The following TANC2 variants were observed in gnomAD, a reference collection of about 807,000 sequenced individuals.
TANC2 encodes tetratricopeptide repeat, ankyrin repeat and coiled-coil containing 2, also known as protein TANC2.
A neutral mutation model predicts 210.5 loss-of-function variants in TANC2; 26 were observed. The observed-to-expected ratio is 0.12, with a 90% confidence interval of 0.09 to 0.17. The LOEUF (loss-of-function observed/expected upper bound fraction) is 0.17. Among genes scored for constraint, TANC2 ranks in the 10% least tolerant of loss-of-function variants. The probability of loss-of-function intolerance (pLI) is 1.00; values close to 1 mark genes in which losing one functional copy is unlikely to be tolerated. For synonymous variants in TANC2, 931 were observed against 967.1 expected (o/e 0.96, Z 0.69); for missense variants, 2,129 against 2,608.9 (o/e 0.82, Z 4.01).
intron 8 of TANC2, among the ~76,000 whole-genome samples, chr17:63,265,376 A>G (rs565043568): frequency 6.6e-6 from 1 of 152,194 alleles, no homozygotes; most frequent in East Asian, 1.9e-4. Flanking sequence ...CAGTCTTCTT[A>G]ATCAACTGAC....
At chr17:63,218,427 C>T (rs1269438329) in intron 7 of TANC2, among the ~76,000 whole-genome samples, 1 of 152,110 alleles carries the variant, frequency 6.6e-6, no homozygotes, top group Non-Finnish European at 1.5e-5. Flanking sequence ...CAGATTTCTA[C>T]ACCTATCACT....
At chr17:63,081,130 G>T (rs539678956) in intron 3 of TANC2, among the ~76,000 whole-genome samples, 1 of 151,916 alleles carries the variant, frequency 6.6e-6, no homozygotes, top group South Asian at 2.1e-4. Flanking sequence ...TATCTTTATT[G>T]CTTGTTCTGT....
At chr17:63,306,057 G>A (rs2146525479) in intron 9 of TANC2, among the ~76,000 whole-genome samples, 1 of 149,820 alleles carries the variant, frequency 6.7e-6, no homozygotes, top group African/African-American at 2.5e-5. Context: ...ATGACGTAAT[G>A]TGGTCATTGT....
chr17:63,031,850 T>A (rs553004721), intron 2 of TANC2, among the ~76,000 whole-genome samples: 64 of 151,680 alleles, frequency 4.2e-4, no homozygotes, highest in African/African-American at 1.4e-3. Context: ...ACTAAGGGAG[T>A]TCCAAGGGAA....
chr17:63,292,323 A>G (rs1028415940), intron 9 of TANC2, among the ~76,000 whole-genome samples: 1 of 152,204 alleles, frequency 6.6e-6, no homozygotes, highest in African/African-American at 2.4e-5. Context: ...AGAAGACAAG[A>G]AAAGAACTGG....
At chr17:63,015,091 G>T (rs2143907645) in intron 2 of TANC2, among the ~76,000 whole-genome samples, 1 of 150,964 alleles carries the variant, frequency 6.6e-6, no homozygotes, top group African/African-American at 2.4e-5. Context: ...TTAATTGATG[G>T]CTCATGGCTT....
intron 9 of TANC2, among the ~76,000 whole-genome samples, chr17:63,292,479 TTAAC>T (rs1218776868): frequency 6.6e-6 from 1 of 152,190 alleles, no homozygotes; most frequent in African/African-American, 2.4e-5. Context: ...TTTAGTGACT[TTAAC>T]TAAAACAATT....
chr17:62,996,019 A>C (rs2033090077), intron 1 of TANC2, among the ~76,000 whole-genome samples: 1 of 152,252 alleles, frequency 6.6e-6, no homozygotes, highest in African/African-American at 2.4e-5. Flanking sequence ...CTTGATAATT[A>C]TTAGTCCTTC....
At chr17:63,415,437 A>G in intron 25 of TANC2, 91 bp from the exon 26 acceptor site, 1 of 1,519,092 alleles carries the variant, frequency 6.6e-7, no homozygotes, top group Non-Finnish European at 8.9e-7. Flanking sequence ...CCTTAGTAAC[A>G]GCTGCTGAGA....
intron 7 of TANC2, among the ~76,000 whole-genome samples, chr17:63,209,641 G>C (rs1364795353): frequency 6.6e-6 from 1 of 151,778 alleles, no homozygotes; most frequent in Non-Finnish European, 1.5e-5. Context: ...CCCTATGTTG[G>C]CCAGGCTGGT....
intron 8 of TANC2, among the ~76,000 whole-genome samples, chr17:63,252,298 C>T (rs941460430): frequency 2.6e-4 from 40 of 151,892 alleles, no homozygotes; most frequent in African/African-American, 9.7e-4. Flanking sequence ...TACAGGCATA[C>T]AATATGTAAT....
intron 4 of TANC2, among the ~76,000 whole-genome samples, chr17:63,134,735 A>G (rs2039031941): frequency 6.6e-6 from 1 of 152,248 alleles, no homozygotes; most frequent in Non-Finnish European, 1.5e-5. Context: ...AGACTACATG[A>G]TAGGCTGTGT....
intron 2 of TANC2, among the ~76,000 whole-genome samples, chr17:63,055,988 AAAATATATATATATAT>A (rs1267971159): frequency 1.9e-3 from 17 of 8,974 alleles, no homozygotes; most frequent in Admixed American, 5.1e-3. Flanking sequence ...AAAAAAAAAA[AAAATATATATATATAT>A]ATATATATAT....
chr17:63,368,129 A>G (rs2047164244), intron 14 of TANC2, among the ~76,000 whole-genome samples: 3 of 152,182 alleles, frequency 2.0e-5, no homozygotes, highest in South Asian at 2.1e-4. Context: ...CTTTTTTTAT[A>G]TGGTATGTGA....
intron 12 of TANC2, among the ~76,000 whole-genome samples, chr17:63,342,794 G>A (rs1388856356): frequency 6.6e-6 from 1 of 151,952 alleles, no homozygotes; most frequent in Non-Finnish European, 1.5e-5. Flanking sequence ...AAGAAAAGAA[G>A]GCTATCCAAA....
chr17:62,996,648 C>T lies in TANC2; in HGVS notation c.-23-12889C>T, dbSNP rs964121155. 2.6e-5 allele frequency among the ~76,000 whole-genome samples: 4 copies of T among 152,036 alleles called. No individual in the cohort carries two copies. The East Asian group carries it at 7.7e-4, about 29-fold the overall frequency. Reference sequence around the variant, plus strand: ...AGTTTTTCTTTTAAGAACACTATTGCATTTGTCATTGGTTGTTTACTTCTC... The same window carrying T: ...AGTTTTTCTTTTAAGAACACTATTGTATTTGTCATTGGTTGTTTACTTCTC... On this transcript the variant is annotated intron_variant, in intron 1 of 27. Coordinates refer to ENST00000689528, the Ensembl canonical transcript of TANC2.
At chr17:63,270,780 T>C (rs890779345) in intron 9 of TANC2, among the ~76,000 whole-genome samples, 3 of 152,108 alleles carry the variant, frequency 2.0e-5, no homozygotes, top group African/African-American at 7.2e-5. Context: ...TTAAGCCTAG[T>C]ATCCATTCAT....
chr17:63,211,858 C>T (rs1419392239), intron 7 of TANC2, among the ~76,000 whole-genome samples: 1 of 152,068 alleles, frequency 6.6e-6, no homozygotes, highest in Admixed American at 6.6e-5. Context: ...GAAAGGCTCA[C>T]CTGGCATTTT....
chr17:63,316,853 T>C (rs2045329183), intron 10 of TANC2, among the ~76,000 whole-genome samples: 1 of 152,132 alleles, frequency 6.6e-6, no homozygotes, highest in Non-Finnish European at 1.5e-5. Flanking sequence ...GAACTGGTGT[T>C]GAATATGTTA....
Sources: allele counts gnomAD v4.1 joint callset (sites outside exome capture counted in the v4.1 genomes callset), GRCh38; gene constraint gnomAD v4.1.1; transcripts MANE v1.5; gene names NCBI Gene and HGNC (gene_info 2026-07-23, HGNC 2026-07-21).